CENPI: variants seen among roughly 807,000 people sequenced by gnomAD.
The protein encoded by CENPI is centromere protein I.
Under a neutral mutation model 60.4 loss-of-function variants are expected in CENPI, and 4 were observed. That is an observed-to-expected ratio of 0.07 (90% CI 0.03 to 0.15). The LOEUF is 0.15. Among genes scored for constraint, CENPI ranks in the 10% least tolerant of loss-of-function variants. The probability of loss-of-function intolerance (pLI) is 1.00; values close to 1 mark genes in which losing one functional copy is unlikely to be tolerated. For missense variants in CENPI, 444 were observed against 534.5 expected (o/e 0.83, Z 1.67); for synonymous variants, 157 against 189.4 (o/e 0.83, Z 1.40).
Position 101,102,492 on chromosome X carries a change from T to TACACACACACACACACAC in CENPI, c.364+82_364+83insCACACACACACACACACA, listed in dbSNP as rs199742109. ...TTCTTTTAAAAATAAATCTTATATA[T>TACACACACACACACACAC]ATATACACACACACACACACACACA... is the stretch of plus-strand genomic sequence containing the variant. On this transcript the variant is annotated intron_variant, in intron 4 of 21. Transcript: ENST00000682095. 1,758 of 300,438 alleles carry TACACACACACACACACAC rather than the reference T, an allele frequency of 5.9e-3. 45 individuals are homozygous for TACACACACACACACACAC. The highest frequency in any genetic ancestry group is 8.9e-3 in the Middle Eastern group (7 of 783). The allele number at this position is 300,438 out of a possible 1,213,427, so 24.8% of individuals were successfully genotyped here. A position where few individuals can be genotyped will look rare whatever the true frequency, so the allele number is the denominator to read the frequency against.
At chrX:101,124,408 A>G (rs1293906983) in intron 8 of CENPI, among the ~76,000 whole-genome samples, 1 of 111,202 alleles carries the variant, frequency 9.0e-6, no homozygotes, top group African/African-American at 3.3e-5. Context: ...GAGGGCAGTC[A>G]ATTTGCTTTA....
downstream of CENPI, among the ~76,000 whole-genome samples, chrX:101,166,413 C>G (rs893855888): frequency 7.1e-5 from 8 of 112,761 alleles, no homozygotes; most frequent in African/African-American, 2.6e-4. Flanking sequence ...CTCGGCCTCC[C>G]GAAGTGTTGG....
At chrX:101,146,437 G>A (rs1484931715) in intron 18 of CENPI, among the ~76,000 whole-genome samples, 160 bp downstream of exon 18, 1 of 111,318 alleles carries the variant, frequency 9.0e-6, no homozygotes, top group Non-Finnish European at 1.9e-5. Flanking sequence ...ATGGGGCCAT[G>A]GTAGCTGTGT....
At chrX:101,103,778 T>G (rs1222149383) in intron 4 of CENPI, among the ~76,000 whole-genome samples, 1 of 112,157 alleles carries the variant, frequency 8.9e-6, no homozygotes. Flanking sequence ...AAAGTTTCTG[T>G]GTGCATATGC....
intron 8 of CENPI, among the ~76,000 whole-genome samples, chrX:101,121,907 A>G (rs2089683361): frequency 9.7e-6 from 1 of 103,478 alleles, no homozygotes; most frequent in African/African-American, 3.6e-5. Flanking sequence ...GGTTCAAGCG[A>G]TTCTCCTGCC....
Position 101,098,553 on chromosome X carries a change from C to T in CENPI, c.-14+14C>T, listed in dbSNP as rs140943303. 2.6e-3 allele frequency: 293 copies of T among 111,549 alleles called. 2 individuals are homozygous for T. The highest frequency in any genetic ancestry group is 9.0e-3 in the African/African-American group (276 of 30,712). The allele number at this position is 111,549 out of a possible 1,213,427, so 9.2% of individuals were successfully genotyped here. ...AGGTGGGATTGAGTAAGTGTCATTCCGACTATTCCTTTAGTTTTTCCTATT... is the reference window on the plus strand; with the variant it reads ...AGGTGGGATTGAGTAAGTGTCATTCTGACTATTCCTTTAGTTTTTCCTATT... On this transcript the variant is annotated intron_variant, in intron 2 of 21. Transcript: ENST00000682095.
rs1178916335 is a variant in CENPI at position 101,164,239 on chromosome X, CAATA to C, written c.*1277_*1280del. Among the ~76,000 whole-genome samples, 8 of 111,170 alleles carry C rather than the reference CAATA, an allele frequency of 7.2e-5. No homozygotes were observed. The highest frequency in any genetic ancestry group is 2.6e-4 in the African/African-American group (8 of 30,642). ...TCGTCCATTGACTCATTAATTGATT[CAATA>C]AATATTTATTGAGCTCCTTTCTCTG... On this transcript the variant is annotated 3_prime_UTR_variant, in exon 22 of 22. Transcript: ENST00000682095.
chrX:101,133,627 C>T (rs2089819089), intron 15 of CENPI, among the ~76,000 whole-genome samples: 1 of 109,824 alleles, frequency 9.1e-6, no homozygotes, highest in South Asian at 3.9e-4. Context: ...ATTCTCAGGC[C>T]AAGAAGGAGG....
At chrX:101,178,091 T>C in the CENPI span, among the ~76,000 whole-genome samples, 1 of 110,799 alleles carries the variant, frequency 9.0e-6, no homozygotes, top group African/African-American at 3.3e-5. Context: ...GAAGAAGGAG[T>C]CTGCAATGGA....
intron 15 of CENPI, among the ~76,000 whole-genome samples, chrX:101,140,097 A>C (rs1026524238): frequency 1.2e-4 from 13 of 111,927 alleles, no homozygotes; most frequent in African/African-American, 4.2e-4. Context: ...CGGCCTCCCA[A>C]AGTGCTGGGA....
the CENPI span, among the ~76,000 whole-genome samples, chrX:101,177,879 G>A: frequency 2.0e-4 from 23 of 112,329 alleles, no homozygotes; most frequent in African/African-American, 6.5e-4. Context: ...AAGATGTGGA[G>A]ATGCAGGGGC....
intron 6 of CENPI, among the ~76,000 whole-genome samples, chrX:101,118,001 T>C (rs1340088286): frequency 8.9e-6 from 1 of 111,779 alleles, no homozygotes; most frequent in Non-Finnish European, 1.9e-5. Context: ...CTATAGATGG[T>C]TATCAGGTCA....
At chrX:101,130,664 T>C (rs1205290470) in intron 13 of CENPI, among the ~76,000 whole-genome samples, 2 of 112,554 alleles carry the variant, frequency 1.8e-5, no homozygotes, top group Non-Finnish European at 3.7e-5. Flanking sequence ...GCCAGTAATG[T>C]AAATTTCATA....
At chrX:101,105,488 C>T (rs371245147) in intron 4 of CENPI, among the ~76,000 whole-genome samples, 3 of 112,157 alleles carry the variant, frequency 2.7e-5, no homozygotes, top group East Asian at 2.8e-4. Context: ...CATGCCACTG[C>T]ACTCAAGCCT....
intron 16 of CENPI, 80 bp downstream of exon 16, chrX:101,140,840 A>T: frequency 1.5e-6 from 1 of 667,908 alleles, no homozygotes; most frequent in Non-Finnish European, 2.3e-6. Context: ...GCGTGAAACA[A>T]TTTTTTTCAT....
At chrX:101,111,648 G>A (rs963485170) in intron 6 of CENPI, among the ~76,000 whole-genome samples, 1 of 111,566 alleles carries the variant, frequency 9.0e-6, no homozygotes, top group Non-Finnish European at 1.9e-5. Flanking sequence ...TACAAACAAA[G>A]TCCTCCTGCA....
intron 13 of CENPI, among the ~76,000 whole-genome samples, chrX:101,131,029 G>A (rs1462464492): frequency 9.0e-6 from 1 of 111,076 alleles, no homozygotes; most frequent in Non-Finnish European, 1.9e-5. Flanking sequence ...TTGCTCTGTT[G>A]CCCAGGCTGG....
intron 8 of CENPI, among the ~76,000 whole-genome samples, chrX:101,123,105 C>T (rs750854884): frequency 8.9e-6 from 1 of 112,075 alleles, no homozygotes; most frequent in South Asian, 3.7e-4. Context: ...TTTTGATTAG[C>T]TGAATTTTGA....
chrX:101,126,845 AT>A lies in CENPI; in HGVS notation c.777+52del, dbSNP rs766007441. 30 of 1,025,246 alleles carry A rather than the reference AT, an allele frequency of 2.9e-5. No individual in the cohort carries two copies. In the African/African-American group the frequency reaches 4.7e-4, roughly 16 times the overall value. 84.5% of individuals were successfully genotyped at this position (1,025,246 alleles called of 1,213,427 possible). ...AATCATATTAAGATTGAAATATGTTATTTTTGGTAAAGTTAACTTACAGATT... is the reference window on the plus strand; with the variant it reads ...AATCATATTAAGATTGAAATATGTTATTTTGGTAAAGTTAACTTACAGATT... On this transcript the variant is annotated intron_variant, in intron 9 of 21. Transcript: ENST00000682095.
Sources: allele counts gnomAD v4.1 joint callset (sites outside exome capture counted in the v4.1 genomes callset), GRCh38; gene constraint gnomAD v4.1.1; transcripts MANE v1.5; gene names NCBI Gene and HGNC (gene_info 2026-07-23, HGNC 2026-07-21).